The following ARHGAP45 variants were observed in gnomAD, a reference collection of about 807,000 sequenced individuals.
The protein encoded by ARHGAP45 is rho GTPase-activating protein 45.
ARHGAP45 carries 56 observed loss-of-function variants against 116.1 expected under a neutral mutation model. The ratio of observed to expected loss-of-function variants is 0.48; its 90% CI spans 0.39 to 0.60. The LOEUF (loss-of-function observed/expected upper bound fraction) is 0.60. ARHGAP45 is among the 20% of genes least tolerant of loss of function. The pLI, the probability that ARHGAP45 is intolerant of heterozygous loss-of-function variation, is 0.00. For synonymous variants in ARHGAP45, 866 were observed against 701.7 expected (o/e 1.23, Z -3.70); for missense variants, 1,622 against 1,601.0 (o/e 1.01, Z -0.22).
Position 1,080,103 on chromosome 19 carries a change from T to A in ARHGAP45, c.1688T>A (p.Val563Asp), listed in dbSNP as rs1384989980. Reference protein sequence around the residue: ...PDVHYDFEPHVSANAWSPVMR... With the variant: ...PDVHYDFEPHDSANAWSPVMR... ...GTGCACTACGACTTTGAGCCCCACG[T>A]CTCCGCCAACGCCTGGTACCGCCAC... Residue 563 changes from valine (V) to aspartate (D), a missense_variant, in exon 13 of 23, where the codon GTC (valine) becomes GAC (aspartate). Physicochemically the swap from Val to Asp is radical, Grantham distance 152. This residue lies in a region of ARHGAP45 where 1,334 missense variants were observed against 1,263.8 expected (regional missense o/e 1.06). Coordinates refer to ENST00000313093, the MANE Select transcript of ARHGAP45 (RefSeq NM_012292.5). The A allele has an allele frequency of 6.2e-7, 1 of 1,611,992 alleles. No individual in the cohort carries two copies. The highest frequency in any genetic ancestry group is 8.5e-7 in the Non-Finnish European group (1 of 1,179,728).
Position 1,071,261 on chromosome 19 carries a change from G to A in ARHGAP45, c.422-1888G>A. The A allele has an allele frequency of 2.0e-6, 3 of 1,480,696 alleles. No homozygotes were observed. Among genetic ancestry groups the A allele is most frequent in the Non-Finnish European group, 1.8e-6 (2 of 1,120,284 alleles). 91.7% of individuals were successfully genotyped at this position (1,480,696 alleles called of 1,614,324 possible). ...GTCAGCTGCCAGGCCCCACGCGCTCGCGGTCTCCGCGCCCCGACGGCTGCG... is the reference window on the plus strand; with the variant it reads ...GTCAGCTGCCAGGCCCCACGCGCTCACGGTCTCCGCGCCCCGACGGCTGCG... On this transcript the variant is annotated intron_variant, in intron 2 of 22. Transcript: ENST00000313093. The surrounding 1 kb of genome is among the most constrained non-coding windows in gnomAD (Gnocchi z 4.6).
intron 13 of ARHGAP45, 27 bp from the exon 14 acceptor site, chr19:1,080,228 C>T (rs762128707): frequency 1.9e-6 from 3 of 1,611,700 alleles, no homozygotes; most frequent in Admixed American, 3.4e-5. Context: ...CATCACCTCC[C>T]CTCCTTTTCC....
intron 2 of ARHGAP45, among the ~76,000 whole-genome samples, chr19:1,070,332 T>TTC (rs1555705544): frequency 2.5e-5 from 3 of 121,364 alleles, no homozygotes; most frequent in African/African-American, 1.0e-4. Context: ...TTCTTTTCTT[T>TTC]TTTTTTTTTT....
At position 1,085,873 on chromosome 19, in the gene ARHGAP45, C is replaced by T. The variant is rs768624798; in HGVS notation, c.3278C>T (p.Pro1093Leu). The T allele has an allele frequency of 4.0e-5, 64 of 1,610,240 alleles. No homozygotes were observed. Among genetic ancestry groups the T allele is most frequent in the Non-Finnish European group, 4.8e-5 (57 of 1,179,746 alleles). The stretch of plus-strand genomic sequence containing the variant: ...GACGGGGACGGGGACGAGGACGGCC[C>T]GGCCCAGCAGCTCTCAGGATTCAAC... ...REDGDGDEDG[P>L]AQQLSGFNTN... Residue 1093 changes from proline (P) to leucine (L), a missense_variant, in exon 23 of 23, where the codon CCG becomes CTG. By Grantham distance (98) the Pro-to-Leu change is moderately conservative. This residue lies in a region of ARHGAP45 where 1,334 missense variants were observed against 1,263.8 expected (regional missense o/e 1.06). Coordinates refer to ENST00000313093, the MANE Select transcript of ARHGAP45 (RefSeq NM_012292.5).
rs184584237 is a variant in ARHGAP45, at chr19:1,080,646, G to A, written c.1913-36G>A. 1.8e-4 allele frequency: 289 copies of A among 1,605,446 alleles called. 2 individuals are homozygous for A. The highest frequency in any genetic ancestry group is 1.1e-3 in the South Asian group (97 of 90,926). On this transcript the variant is annotated intron_variant, in intron 15 of 22. Coordinates refer to ENST00000313093, the MANE Select transcript of ARHGAP45 (RefSeq NM_012292.5). Reference sequence around the variant, plus strand: ...CGGGGTGATGGAGGGGGCCCCCCTGGCTGGGGGAGTCTGAACAGTCCTGAT... The same window carrying A: ...CGGGGTGATGGAGGGGGCCCCCCTGACTGGGGGAGTCTGAACAGTCCTGAT...
At chr19:1,070,307 T>C (rs1405330430) in intron 2 of ARHGAP45, among the ~76,000 whole-genome samples, 1 of 146,688 alleles carries the variant, frequency 6.8e-6, no homozygotes, top group Admixed American at 6.8e-5. Context: ...TTTTCTTTTT[T>C]TCTTTCTTTT....
chr19:1,071,216 GC>G lies in ARHGAP45; in HGVS notation c.422-1931del. On this transcript the variant is annotated intron_variant, in intron 2 of 22. Transcript: ENST00000313093. This position sits in a 1 kb window ranked among gnomAD's most constrained non-coding sequence, Gnocchi z 4.6. ...CTCCTGACCGGCCGGAGCCGGTTTG[GC>G]CACCGGAGACCCCCATCGGTCAGCT... 1 of 1,432,142 alleles carries G rather than the reference GC, an allele frequency of 7.0e-7. No individual in the cohort carries two copies. The highest frequency in any genetic ancestry group is 9.1e-7 in the Non-Finnish European group (1 of 1,095,292). 88.7% of individuals were successfully genotyped at this position (1,432,142 alleles called of 1,614,324 possible).
chr19:1,080,862 G>A, intron 16 of ARHGAP45, 30 bp from the exon 17 acceptor site: 1 of 1,605,768 alleles, frequency 6.2e-7, no homozygotes, highest in Non-Finnish European at 8.5e-7. Flanking sequence ...GAGCTGCCTT[G>A]GTGACACCGG....
At chr19:1,080,578 T>C in intron 15 of ARHGAP45, 31 bp downstream of exon 15, 1 of 1,609,548 alleles carries the variant, frequency 6.2e-7, no homozygotes, top group South Asian at 1.1e-5. Flanking sequence ...GGCTGGGGTG[T>C]GGAGCTGCCT....
intron 22 of ARHGAP45, 50 bp from the exon 23 acceptor site, chr19:1,085,607 TCTC>T (rs2048956571): frequency 2.2e-6 from 3 of 1,343,432 alleles, no homozygotes; most frequent in African/African-American, 1.5e-5. Flanking sequence ...TCCCCTTGTC[TCTC>T]CTCCATCTCT....
chr19:1,073,563 A>G lies in ARHGAP45; in HGVS notation c.623A>G (p.Glu208Gly). ...AAACAGGAGTTCGAGAAGGCCCTGG[A>G]GACGATTGCTGTGGCCTTCAGTAGC... ...LEKQEFEKAL[E>G]TIAVAFSSTV... The change falls in exon 4 of 23, where the codon GAG (glutamate) becomes GGG (glycine). Residue 208 changes from glutamate (E) to glycine (G), a missense_variant. Physicochemically the swap from Glu to Gly is moderately conservative, Grantham distance 98. Transcript: ENST00000313093. 1 of 1,613,970 alleles carries G rather than the reference A, an allele frequency of 6.2e-7. No individual in the cohort carries two copies. The highest frequency in any genetic ancestry group is 8.5e-7 in the Non-Finnish European group (1 of 1,179,950).
chr19:1,066,949 C>G (rs997791579), upstream of ARHGAP45, among the ~76,000 whole-genome samples: 1 of 152,140 alleles, frequency 6.6e-6, no homozygotes, highest in Admixed American at 6.5e-5. Flanking sequence ...GTGTGGAGGT[C>G]CGGGTCTCTG....
chr19:1,077,196 G>T (rs1022000742), intron 10 of ARHGAP45: 2 of 985,256 alleles, frequency 2.0e-6, no homozygotes, highest in Non-Finnish European at 2.4e-6. Flanking sequence ...CTGTGAGGAG[G>T]GAAGTGAAAG....
Position 1,081,896 on chromosome 19 carries a change from C to G in ARHGAP45, c.2452C>G (p.Leu818Val). Residue 818 changes from leucine (L) to valine (V), a missense_variant, in exon 19 of 23, where the codon CTG becomes GTG. By Grantham distance (32) the Leu-to-Val change is conservative. Coordinates refer to ENST00000313093, the MANE Select transcript of ARHGAP45 (RefSeq NM_012292.5). Reference protein sequence around the residue: ...LCQAFENGKELVELSQASPHD... With the variant: ...LCQAFENGKEVVELSQASPHD... ...CCAGGCCTTCGAGAACGGCAAGGAG[C>G]TGGTCGAGCTGTCGCAGGCCTCGCC... is the stretch of plus-strand genomic sequence containing the variant. 6.2e-7 allele frequency: 1 copy of G among 1,613,172 alleles called. No homozygotes were observed. The highest frequency in any genetic ancestry group is 8.5e-7 in the Non-Finnish European group (1 of 1,179,900).
intron 10 of ARHGAP45, 21 bp downstream of exon 10, chr19:1,074,900 C>CTTGAACACGAGAA: frequency 1.5e-5 from 1 of 67,556 alleles, no homozygotes; most frequent in Non-Finnish European, 3.5e-5. Flanking sequence ...CGGGCGGGGG[C>CTTGAACACGAGAA]GGGCGGGGGC....
chr19:1,072,442 A>G (rs1195458864), intron 2 of ARHGAP45, among the ~76,000 whole-genome samples: 1 of 151,910 alleles, frequency 6.6e-6, no homozygotes, highest in Non-Finnish European at 1.5e-5. Flanking sequence ...TCTTACAGAG[A>G]CAGGGTCTTA....
rs2043402972 is a variant in ARHGAP45, at chr19:1,080,549, T to A, written c.1912+2T>A. Reference sequence around the variant, plus strand: ...GGCTGGACCCCGGCCCTGGCGCAGGTGAGGGAGGCTCTCTGGCGGGCTGGG... The same window carrying A: ...GGCTGGACCCCGGCCCTGGCGCAGGAGAGGGAGGCTCTCTGGCGGGCTGGG... On this transcript the variant is annotated splice_donor_variant, in intron 15 of 22. Coordinates refer to ENST00000313093, the MANE Select transcript of ARHGAP45 (RefSeq NM_012292.5). LOFTEE classifies it high-confidence loss of function. 1 of 1,612,438 alleles carries A rather than the reference T, an allele frequency of 6.2e-7. No individual in the cohort carries two copies. Among genetic ancestry groups the A allele is most frequent in the Admixed American group, 1.7e-5 (1 of 59,952 alleles).
chr19:1,074,449 G>A (rs964962548), intron 8 of ARHGAP45, 42 bp downstream of exon 8: 14 of 1,470,562 alleles, frequency 9.5e-6, no homozygotes, highest in Non-Finnish European at 1.3e-5. Context: ...CCTGGGCCCG[G>A]GTGTGAGTCT....
At position 1,071,163 on chromosome 19, in the gene ARHGAP45, G is replaced by A. The variant is rs1599752092; in HGVS notation, c.422-1986G>A. ...CAGGCTGGGGCGAACGGGACCCCAG[G>A]GCGGGGTTTCCCTCGCGGGGGCGGG... On this transcript the variant is annotated intron_variant, in intron 2 of 22. Coordinates refer to ENST00000313093, the MANE Select transcript of ARHGAP45 (RefSeq NM_012292.5). The surrounding 1 kb of genome is among the most constrained non-coding windows in gnomAD (Gnocchi z 4.6). The A allele has an allele frequency of 6.1e-6, 8 of 1,319,252 alleles. No homozygotes were observed. The highest frequency in any genetic ancestry group is 7.7e-6 in the Non-Finnish European group (8 of 1,034,280). 81.7% of individuals were successfully genotyped at this position (1,319,252 alleles called of 1,614,324 possible). A position where few individuals can be genotyped will look rare whatever the true frequency, so the allele number is the denominator to read the frequency against.
Sources: gnomAD v4.1 joint callset for allele counts (sites outside exome capture counted in the v4.1 genomes callset) on GRCh38, gnomAD v4.1.1 for gene constraint, gnomAD v4.1.1 regional missense constraint, Gnocchi (gnomAD v3.1) non-coding constraint, MANE v1.5 for transcripts, NCBI Gene and HGNC (gene_info 2026-07-23, HGNC 2026-07-21) for gene names.